The following LAMA4 variants were observed in gnomAD, a reference collection of about 807,000 sequenced individuals.
The protein encoded by LAMA4 is laminin subunit alpha 4.
Under a neutral mutation model 207.1 loss-of-function variants are expected in LAMA4, and 127 were observed. The ratio of observed to expected loss-of-function variants is 0.61; its 90% CI spans 0.53 to 0.71. LAMA4 has a LOEUF of 0.71. LAMA4 is among the 30% of genes least tolerant of loss of function. The probability of loss-of-function intolerance (pLI) is 0.00; values close to 1 mark genes in which losing one functional copy is unlikely to be tolerated. For synonymous variants in LAMA4, 761 were observed against 816.0 expected, an observed-to-expected ratio of 0.93 and a Z score of 1.15; for missense variants, 2,093 against 2,246.5, an observed-to-expected ratio of 0.93 and a Z score of 1.38.
At chr6:112,182,580 G>A (rs1315345285) in intron 9 of LAMA4, among the ~76,000 whole-genome samples, 1 of 152,176 alleles carries the variant, frequency 6.6e-6, no homozygotes, top group Non-Finnish European at 1.5e-5. Flanking sequence ...TTTTAGTCCT[G>A]TGGGTCTCTC....
intron 16 of LAMA4, 155 bp downstream of exon 16, chr6:112,154,696 C>A: frequency 1.5e-6 from 1 of 648,418 alleles, no homozygotes; most frequent in South Asian, 1.8e-5. Flanking sequence ...CAAATCTTTG[C>A]TCTTTTGTAA....
At chr6:112,187,282 C>A (rs1234574136) in intron 8 of LAMA4, 168 bp downstream of exon 8, 2 of 814,362 alleles carry the variant, frequency 2.5e-6, no homozygotes, top group Non-Finnish European at 4.1e-6. Context: ...ATCAACTTTT[C>A]ATAATTTCCT....
At chr6:112,171,824 G>C (rs1275771047) in intron 12 of LAMA4, 1 of 152,360 alleles carries the variant, frequency 6.6e-6, no homozygotes, top group Non-Finnish European at 1.5e-5. Flanking sequence ...GGTAATGATG[G>C]CTGAAAATCA....
At chr6:112,144,704 G>T in intron 19 of LAMA4, 90 bp downstream of exon 19, 1 of 1,442,422 alleles carries the variant, frequency 6.9e-7, no homozygotes, top group Non-Finnish European at 9.6e-7. Flanking sequence ...CAGCAGAAAG[G>T]TCCAGGCTCT....
At chr6:112,245,643 A>C (rs1181027554) in intron 2 of LAMA4, among the ~76,000 whole-genome samples, 2 of 129,518 alleles carry the variant, frequency 1.5e-5, no homozygotes, top group East Asian at 4.6e-4. Context: ...GCTGTAGAGT[A>C]CAGCCTGGAT....
At chr6:112,203,241 C>A (rs1783862592) in intron 4 of LAMA4, among the ~76,000 whole-genome samples, 1 of 152,188 alleles carries the variant, frequency 6.6e-6, no homozygotes, top group Non-Finnish European at 1.5e-5. Flanking sequence ...GGAAGGGTGC[C>A]TTTTGCTCTT....
intron 22 of LAMA4, 26 bp downstream of exon 22, chr6:112,140,727 TGTAATAG>T (rs782633624): frequency 6.2e-6 from 10 of 1,602,626 alleles, no homozygotes; most frequent in African/African-American, 2.7e-5. Context: ...ACTGTAGATT[TGTAATAG>T]GTCAAAATAT....
chr6:112,132,101 G>T (rs1554329923), intron 28 of LAMA4, among the ~76,000 whole-genome samples: 1 of 152,048 alleles, frequency 6.6e-6, no homozygotes, highest in African/African-American at 2.4e-5. Context: ...TTTTGTGCCA[G>T]AAACACCTTT....
chr6:112,207,111 T>G lies in LAMA4; in HGVS notation c.332A>C (p.Glu111Ala). 1.2e-6 allele frequency: 2 copies of G among 1,614,018 alleles called. No homozygotes were observed. The highest frequency in any genetic ancestry group is 1.7e-5 in the Admixed American group (1 of 60,004). Residue 111 changes from glutamate (E) to alanine (A), a missense_variant, in exon 4 of 39, where the codon GAA (glutamate) becomes GCA (alanine). This residue lies in a region of LAMA4 where 1,704 missense variants were observed against 1,788.4 expected (regional missense o/e 0.95). Transcript: ENST00000230538. ...TCCGATATAACCATCCAGACACTTT[T>G]CACAGTGCTCTCCTGTTGTGTTCCG... ...CQRNTTGEHC[E>A]KCLDGYIGDS...
At chr6:112,208,102 A>ATT (rs1300145697) in intron 3 of LAMA4, among the ~76,000 whole-genome samples, 1 of 152,132 alleles carries the variant, frequency 6.6e-6, no homozygotes, top group Non-Finnish European at 1.5e-5. Context: ...CATTAGCTCT[A>ATT]TTTTTTTCAT....
At chr6:112,162,925 G>C (rs962247441) in intron 13 of LAMA4, among the ~76,000 whole-genome samples, 1 of 150,910 alleles carries the variant, frequency 6.6e-6, no homozygotes, top group Non-Finnish European at 1.5e-5. Flanking sequence ...ATTATCCAGA[G>C]CAGAGATCAA....
rs782296410 is a variant in LAMA4 at position 112,189,171 on chromosome 6, T to G, written c.753A>C (p.Val251=). 5.6e-6 allele frequency: 9 copies of G among 1,613,980 alleles called. No homozygotes were observed. The highest frequency in any genetic ancestry group is 7.6e-6 in the Non-Finnish European group (9 of 1,179,984). Residue 251 remains valine (V), a synonymous_variant, in exon 7 of 39, where the codon GTA becomes GTC. Transcript: ENST00000230538. ...CNCGGGPCDS[V]TGECLEEGFE... ...AACCTTCTTCCAAGCATTCTCCGGT[T>G]ACACTGTCACATGGGCCTCCCCCGC...
At chr6:112,128,858 T>A (rs1583660446) in intron 31 of LAMA4, 64 bp downstream of exon 31, 3 of 1,379,332 alleles carry the variant, frequency 2.2e-6, no homozygotes, top group Non-Finnish European at 3.1e-6. Context: ...AAAACAGCAG[T>A]GTCTAGAACT....
At chr6:112,182,208 G>T (rs1292637280) in intron 9 of LAMA4, among the ~76,000 whole-genome samples, 2 of 152,110 alleles carry the variant, frequency 1.3e-5, no homozygotes, top group African/African-American at 4.8e-5. Context: ...ATGGGAGATT[G>T]GTTCCAGGAC....
chr6:112,156,952 A>G (rs1780754539), intron 14 of LAMA4, among the ~76,000 whole-genome samples: 1 of 152,146 alleles, frequency 6.6e-6, no homozygotes. Context: ...GAAGGAAAAA[A>G]TGAGGATAAC....
intron 2 of LAMA4, among the ~76,000 whole-genome samples, chr6:112,224,856 TC>T (rs1554361891): frequency 1.3e-5 from 2 of 149,560 alleles, no homozygotes; most frequent in Non-Finnish European, 3.0e-5. Flanking sequence ...TGAAATTTCT[TC>T]CCTCCTTGAA....
chr6:112,229,020 C>T (rs1583954610), intron 2 of LAMA4, among the ~76,000 whole-genome samples: 3 of 152,286 alleles, frequency 2.0e-5, no homozygotes. Context: ...TCAGACAGTC[C>T]AAGGTCAAGG....
chr6:112,249,218 G>A (rs1787237235), intron 2 of LAMA4, among the ~76,000 whole-genome samples: 1 of 152,134 alleles, frequency 6.6e-6, no homozygotes, highest in South Asian at 2.1e-4. Flanking sequence ...GCCGAGGCGG[G>A]TGGATCATAA....
chr6:112,132,969 G>T, intron 27 of LAMA4, 79 bp from the exon 28 acceptor site: 1 of 1,425,796 alleles, frequency 7.0e-7, no homozygotes, highest in Non-Finnish European at 9.8e-7. Context: ...ACATACGGAA[G>T]GCCTTGCCTG....
Sources: allele counts gnomAD v4.1 joint callset (sites outside exome capture counted in the v4.1 genomes callset), GRCh38; gene constraint gnomAD v4.1.1; regional missense constraint gnomAD v4.1.1; transcripts MANE v1.5; gene names NCBI Gene and HGNC (gene_info 2026-07-23, HGNC 2026-07-21).